SMG1: variants seen among roughly 807,000 people sequenced by gnomAD.
SMG1 encodes the protein serine/threonine-protein kinase SMG1.
In SMG1, 22 loss-of-function variants were observed where a neutral mutation model predicts 419.9. The observed-to-expected ratio is 0.05, with a 90% CI of 0.04 to 0.07. The LOEUF is 0.07. Among genes scored for constraint, SMG1 ranks in the 10% least tolerant of loss-of-function variants. The pLI, the probability that SMG1 is intolerant of heterozygous loss-of-function variation, is 1.00. For missense variants in SMG1, 3,185 were observed against 4,342.0 expected (o/e 0.73, Z 7.49); for synonymous variants, 1,538 against 1,553.5 (o/e 0.99, Z 0.23).
chr16:18,872,333 A>G lies in SMG1; in HGVS notation c.2034T>C (p.Phe678=), dbSNP rs776649586. 30 of 1,577,768 alleles carry G rather than the reference A, an allele frequency of 1.9e-5. No homozygotes were observed. In the African/African-American group the frequency reaches 4.0e-4, roughly 21 times the overall value. Residue 678 remains phenylalanine, a synonymous_variant, in exon 15 of 63, where the codon TTT becomes TTC. Transcript: ENST00000446231. ...AGGAAGAACTGAGGCTACTAGAGAT[A>G]AAGTGATCATGCCTGAAAGACAAAG... The part of the protein sequence containing the change: ...LYSHCTRHDH[F]ISSSLSSSSP...
At chr16:18,844,871 A>G (rs998893536) in intron 39 of SMG1, among the ~76,000 whole-genome samples, 3 of 152,212 alleles carry the variant, frequency 2.0e-5, no homozygotes, top group African/African-American at 7.2e-5. Context: ...ATTTGCTAGA[A>G]AAGATAAAGA....
intron 6 of SMG1, among the ~76,000 whole-genome samples, chr16:18,887,610 T>A (rs1250883558): frequency 1.9e-5 from 2 of 104,130 alleles, no homozygotes; most frequent in Non-Finnish European, 3.6e-5. Context: ...AGCCTCAGCC[T>A]CCCACAGTGC....
intron 1 of SMG1, among the ~76,000 whole-genome samples, chr16:18,905,042 A>G (rs1384256317): frequency 1.3e-5 from 2 of 152,078 alleles, no homozygotes; most frequent in Non-Finnish European, 2.9e-5. Flanking sequence ...CAGGCAGATC[A>G]TGAGTTCAGG....
intron 1 of SMG1, among the ~76,000 whole-genome samples, chr16:18,922,261 T>C (rs934870122): frequency 3.9e-5 from 6 of 152,188 alleles, no homozygotes; most frequent in African/African-American, 1.4e-4. Flanking sequence ...CTTTAGCTAT[T>C]GGCAATGATA....
intron 25 of SMG1, among the ~76,000 whole-genome samples, chr16:18,862,818 A>G (rs533452598): frequency 5.3e-5 from 8 of 152,040 alleles, no homozygotes; most frequent in Non-Finnish European, 7.4e-5. Flanking sequence ...TGTTTAAGGC[A>G]CTCCTAAACA....
chr16:18,918,380 G>A (rs1185582591), intron 1 of SMG1, among the ~76,000 whole-genome samples: 1 of 152,148 alleles, frequency 6.6e-6, no homozygotes, highest in East Asian at 1.9e-4. Flanking sequence ...TTACTCCTCA[G>A]AAGTACCCAA....
chr16:18,886,738 G>T (rs1359859578), intron 6 of SMG1, among the ~76,000 whole-genome samples: 1 of 152,086 alleles, frequency 6.6e-6, no homozygotes, highest in Non-Finnish European at 1.5e-5. Flanking sequence ...GGAGGCGGAG[G>T]TTGCAGTGAG....
chr16:18,842,084 G>A (rs993964583), intron 40 of SMG1, 124 bp downstream of exon 40: 9 of 1,090,536 alleles, frequency 8.3e-6, no homozygotes, highest in Non-Finnish European at 1.0e-5. Flanking sequence ...ATAGGGCACT[G>A]CAGGCTAATA....
chr16:18,816,366 G>A lies in SMG1; in HGVS notation c.10238C>T (p.Thr3413Ile). The change falls in exon 58 of 63, where the codon ACT becomes ATT. Residue 3413 changes from threonine to isoleucine, a missense_variant. By Grantham distance (89) the Thr-to-Ile change is moderately conservative (BLOSUM62 -1). This residue lies in a region of SMG1 where 737 missense variants were observed against 846.6 expected (regional missense o/e 0.87). Coordinates refer to ENST00000446231, the MANE Select transcript of SMG1 (RefSeq NM_015092.5). ...CTGTCGGTTATGACCAGTGAGCACAGTCTTTATATTATCAACCAGATTCTG... is the reference window on the plus strand; with the variant it reads ...CTGTCGGTTATGACCAGTGAGCACAATCTTTATATTATCAACCAGATTCTG... Reference protein sequence around the residue: ...TIQNLVDNIKTVLTGHNRQLG... With the variant: ...TIQNLVDNIKIVLTGHNRQLG... 6.2e-7 allele frequency: 1 copy of A among 1,613,950 alleles called. No individual in the cohort carries two copies. Among genetic ancestry groups the A allele is most frequent in the African/African-American group, 1.3e-5 (1 of 75,048 alleles).
chr16:18,902,278 C>T (rs1442911227), intron 1 of SMG1, among the ~76,000 whole-genome samples: 6 of 152,142 alleles, frequency 3.9e-5, no homozygotes, highest in African/African-American at 1.2e-4. Flanking sequence ...GGAACTTCCC[C>T]GAACTCTGCC....
intron 1 of SMG1, among the ~76,000 whole-genome samples, chr16:18,915,637 A>G (rs1378959237): frequency 3.9e-5 from 6 of 152,128 alleles, no homozygotes; most frequent in Admixed American, 2.0e-4. Flanking sequence ...GGCACACATA[A>G]AAATTCCAGA....
chr16:18,865,809 T>G (rs1364325281), intron 23 of SMG1, among the ~76,000 whole-genome samples: 1 of 152,008 alleles, frequency 6.6e-6, no homozygotes, highest in African/African-American at 2.4e-5. Flanking sequence ...ATTACACGTA[T>G]GTGCCACCAC....
At position 18,863,870 on chromosome 16, in the gene SMG1, A is replaced by G. The variant is rs1225591864; in HGVS notation, c.3494-19T>C. The G allele has an allele frequency of 6.3e-7, 1 of 1,587,846 alleles. No individual in the cohort carries two copies. Among genetic ancestry groups the G allele is most frequent in the East Asian group, 2.2e-5 (1 of 44,640 alleles). ...GATTCACCTGAAAGTATTTTATAAA[A>G]TAAGAAGAGAGAGATTCAGATCAGT... On this transcript the variant is annotated intron_variant, in intron 24 of 62. Transcript: ENST00000446231.
intron 12 of SMG1, 111 bp downstream of exon 12, chr16:18,877,020 T>G (rs1448732678): frequency 1.6e-5 from 12 of 750,118 alleles, no homozygotes; most frequent in Non-Finnish European, 2.6e-5. Flanking sequence ...ATATTCTAAA[T>G]CAAACATTTC....
chr16:18,821,221 C>CTTTTTTTTTTTTTTTTTTT (rs869238782), intron 55 of SMG1, among the ~76,000 whole-genome samples: 26 of 35,600 alleles, frequency 7.3e-4, no homozygotes, highest in East Asian at 2.4e-3. Flanking sequence ...TAGTATGTTT[C>CTTTTTTTTTTTTTTTTTTT]TTTTTTTTTT....
At chr16:18,898,255 C>T (rs1031181804) in intron 1 of SMG1, among the ~76,000 whole-genome samples, 1 of 152,126 alleles carries the variant, frequency 6.6e-6, no homozygotes, top group African/African-American at 2.4e-5. Flanking sequence ...CAAGTCATTA[C>T]TTATAAAGGA....
At chr16:18,910,077 A>C (rs1410045944) in intron 1 of SMG1, among the ~76,000 whole-genome samples, 3 of 151,690 alleles carry the variant, frequency 2.0e-5, no homozygotes, top group Admixed American at 6.6e-5. Context: ...TTACAGTACT[A>C]CAATTTCAAA....
chr16:18,869,343 T>G, intron 19 of SMG1, 40 bp from the exon 20 acceptor site: 6 of 1,498,562 alleles, frequency 4.0e-6, no homozygotes, highest in Non-Finnish European at 5.5e-6. Flanking sequence ...CAATGACAAC[T>G]TCATTTTAAT....
At chr16:18,880,914 C>T (rs952300075) in intron 10 of SMG1, among the ~76,000 whole-genome samples, 4 of 150,544 alleles carry the variant, frequency 2.7e-5, no homozygotes, top group Admixed American at 2.0e-4. Context: ...ATCACTTGAG[C>T]CCAAGAGATA....
Sources: gnomAD v4.1 joint callset for allele counts (sites outside exome capture counted in the v4.1 genomes callset) on GRCh38, gnomAD v4.1.1 for gene constraint, gnomAD v4.1.1 regional missense constraint, MANE v1.5 for transcripts, NCBI Gene and HGNC (gene_info 2026-07-23, HGNC 2026-07-21) for gene names.